Variants in RYR2 observed in about 807,000 individuals in gnomAD.
RYR2 encodes the protein ryanodine receptor 2, also known as cardiac muscle ryanodine receptor-calcium release channel.
In RYR2, 227 loss-of-function variants were observed where a neutral mutation model predicts 601.1. That is an observed-to-expected ratio of 0.38 (90% CI 0.34 to 0.42). RYR2 has a LOEUF of 0.42. RYR2 is among the 10% of genes least tolerant of loss of function. The pLI, the probability that RYR2 is intolerant of heterozygous loss-of-function variation, is 1.00. For missense variants in RYR2, 4,646 were observed against 6,156.5 expected (o/e 0.75, Z 8.21); for synonymous variants, 2,223 against 2,175.1 (o/e 1.02, Z -0.61).
intron 24 of RYR2, among the ~76,000 whole-genome samples, chr1:237,515,312 A>G (rs1003781647): frequency 6.6e-6 from 1 of 152,214 alleles, no homozygotes; most frequent in Non-Finnish European, 1.5e-5. Context: ...TGATATAAGG[A>G]TTTTTAATCG....
Position 237,806,021 on chromosome 1 carries a change from T to A in RYR2, c.14152-116T>A, listed in dbSNP as rs116646937. On this transcript the variant is annotated intron_variant, in intron 98 of 104. Transcript: ENST00000366574. ...GATTAACTTTTTAAGATTCCACATG[T>A]GAGTGAGAACATGTAGAGTTTAACT... 830 of 825,694 alleles carry A rather than the reference T, an allele frequency of 1.0e-3. 6 individuals carry two copies. The African/African-American group carries it at 0.013, about 13-fold the overall frequency. The allele number at this position is 825,694 out of a possible 1,614,324, so 51.1% of individuals were successfully genotyped here.
chr1:237,142,207 A>T (rs1042405039), intron 1 of RYR2, among the ~76,000 whole-genome samples: 2 of 152,144 alleles, frequency 1.3e-5, no homozygotes, highest in Admixed American at 1.3e-4. Flanking sequence ...ACTTGAGCAC[A>T]CCTGAGAGGG....
chr1:237,588,599 A>G (rs759084325), intron 29 of RYR2, among the ~76,000 whole-genome samples: 50 of 152,264 alleles, frequency 3.3e-4, no homozygotes, highest in Non-Finnish European at 6.2e-4. Context: ...TCGGGAGGCC[A>G]AGGCAGGCAG....
Position 237,793,862 on chromosome 1 carries a change from T to C in RYR2, c.13783-5T>C. ...AATTTTAACGTATTTATTTTTCCTA[T>C]GTAGGTCCCATTGGTTATTTTTAAG... is the stretch of plus-strand genomic sequence containing the variant. On this transcript the variant is annotated splice_region_variant and splice_polypyrimidine_tract_variant and intron_variant, in intron 94 of 104. Coordinates refer to ENST00000366574, the MANE Select transcript of RYR2 (RefSeq NM_001035.3). 1 of 1,601,496 alleles carries C rather than the reference T, an allele frequency of 6.2e-7. No homozygotes were observed. Among genetic ancestry groups the C allele is most frequent in the African/African-American group, 1.3e-5 (1 of 74,814 alleles).
At chr1:237,809,081 C>T (rs889285312) in intron 100 of RYR2, 46 bp downstream of exon 100, 4 of 1,525,128 alleles carry the variant, frequency 2.6e-6, no homozygotes, top group Middle Eastern at 2.2e-4. Context: ...ATGTCTCCTG[C>T]TTCTGCAGTC....
At chr1:237,461,331 T>C (rs536739681) in intron 16 of RYR2, among the ~76,000 whole-genome samples, 14 of 152,296 alleles carry the variant, frequency 9.2e-5, no homozygotes, top group African/African-American at 3.4e-4. Context: ...CCTTCTCTTC[T>C]CCAGTCTTTA....
intron 1 of RYR2, among the ~76,000 whole-genome samples, chr1:237,172,715 C>T (rs1283121035): frequency 2.6e-5 from 4 of 152,166 alleles, no homozygotes; most frequent in Non-Finnish European, 4.4e-5. Flanking sequence ...ACTCACTCTG[C>T]GTTAGCATGT....
At chr1:237,807,248 A>C (rs1375149270) in intron 99 of RYR2, among the ~76,000 whole-genome samples, 1 of 152,204 alleles carries the variant, frequency 6.6e-6, no homozygotes, top group East Asian at 1.9e-4. Flanking sequence ...ATATGCAGTA[A>C]AGAACTGGAG....
In RYR2 at chr1:237,370,190, T is replaced by C. The variant is rs755939688; in HGVS notation, c.384+582T>C. ...AATATATATTTTATAAATACTTTAA[T>C]GTATTCTTAGCTATTACATATACAG... On this transcript the variant is annotated intron_variant, in intron 6 of 104. Transcript: ENST00000366574. Among the ~76,000 whole-genome samples the C allele has an allele frequency of 1.2e-4, 19 of 152,014 alleles. 1 individual carries two copies. The Middle Eastern group carries it at 0.017, about 137-fold the overall frequency.
At chr1:237,731,996 G>A (rs923200818) in intron 77 of RYR2, 50 bp from the exon 78 acceptor site, 2 of 1,236,150 alleles carry the variant, frequency 1.6e-6, no homozygotes, top group South Asian at 2.5e-5. Flanking sequence ...TTGGATTTGA[G>A]TGAACATTTT....
chr1:237,402,356 C>T (rs891143837), intron 10 of RYR2, among the ~76,000 whole-genome samples: 1 of 149,976 alleles, frequency 6.7e-6, no homozygotes, highest in African/African-American at 2.5e-5. Flanking sequence ...CACTGCACTC[C>T]AGTCTGGGTG....
intron 92 of RYR2, among the ~76,000 whole-genome samples, chr1:237,790,454 C>T (rs570648069): frequency 3.4e-4 from 52 of 152,258 alleles, no homozygotes; most frequent in Non-Finnish European, 4.9e-4. Flanking sequence ...TGTTGTTCCA[C>T]TGCTATCAGT....
intron 17 of RYR2, among the ~76,000 whole-genome samples, chr1:237,490,367 G>A (rs541273520): frequency 2.8e-4 from 43 of 152,226 alleles, no homozygotes; most frequent in Non-Finnish European, 4.7e-4. Flanking sequence ...AAAGGCAGCC[G>A]TGTGCTCTAT....
In RYR2 at chr1:237,748,393, G is replaced by A. The variant is rs145930681; in HGVS notation, c.11145+6044G>A. On this transcript the variant is annotated intron_variant, in intron 80 of 104. Coordinates refer to ENST00000366574, the MANE Select transcript of RYR2 (RefSeq NM_001035.3). ...GAGTGTTAATTTCATCATACTTCCT[G>A]TTGATATTAACCAGTTCTTCCAGGC... Among the ~76,000 whole-genome samples the A allele has an allele frequency of 7.3e-5, 11 of 151,438 alleles. No individual in the cohort carries two copies. The East Asian group carries it at 1.5e-3, about 21-fold the overall frequency.
chr1:237,729,547 A>G (rs370833361), intron 76 of RYR2, among the ~76,000 whole-genome samples: 1 of 152,122 alleles, frequency 6.6e-6, no homozygotes, highest in South Asian at 2.1e-4. Context: ...CCATCCTGCA[A>G]TGGCACCGTC....
At chr1:237,122,891 A>G (rs1203068951) in intron 1 of RYR2, among the ~76,000 whole-genome samples, 1 of 152,222 alleles carries the variant, frequency 6.6e-6, no homozygotes, top group Non-Finnish European at 1.5e-5. Context: ...TCTCTGAGAA[A>G]AATTTATTTA....
At chr1:237,518,350 C>G (rs1361594300) in intron 24 of RYR2, among the ~76,000 whole-genome samples, 1 of 151,942 alleles carries the variant, frequency 6.6e-6, no homozygotes, top group Non-Finnish European at 1.5e-5. Context: ...TTGAGGGTAT[C>G]CATCACCCAG....
intron 56 of RYR2, among the ~76,000 whole-genome samples, chr1:237,662,141 G>C (rs910568138): frequency 1.3e-5 from 2 of 151,644 alleles, no homozygotes; most frequent in African/African-American, 4.8e-5. Context: ...ATTTGACCTT[G>C]GTCAAATTTT....
At position 237,402,405 on chromosome 1, in the gene RYR2, A is replaced by T. The variant is rs539177609; in HGVS notation, c.773+14222A>T. 2.7e-5 allele frequency among the ~76,000 whole-genome samples: 4 copies of T among 150,348 alleles called. No homozygotes were observed. In the South Asian group the frequency reaches 6.3e-4, roughly 24 times the overall value. On this transcript the variant is annotated intron_variant, in intron 10 of 104. Coordinates refer to ENST00000366574, the MANE Select transcript of RYR2 (RefSeq NM_001035.3). Reference sequence around the variant, plus strand: ...CTATCTCTTAAAAAAAAAAGAAAAAAAAATATATATATGTATGATTATTAT... The same window carrying T: ...CTATCTCTTAAAAAAAAAAGAAAAATAAATATATATATGTATGATTATTAT...
Sources: allele counts gnomAD v4.1 joint callset (sites outside exome capture counted in the v4.1 genomes callset), GRCh38; gene constraint gnomAD v4.1.1; transcripts MANE v1.5; gene names NCBI Gene and HGNC (gene_info 2026-07-23, HGNC 2026-07-21).